KCTD8: variants seen among roughly 807,000 people sequenced by gnomAD.
KCTD8 encodes BTB/POZ domain-containing protein KCTD8.
KCTD8 carries 27 observed loss-of-function variants against 31.5 expected under a neutral mutation model. That is an observed-to-expected ratio of 0.86 (90% CI 0.63 to 1.18). The LOEUF (loss-of-function observed/expected upper bound fraction) is 1.18. Among genes scored for constraint, KCTD8 ranks in the 50% most tolerant of loss-of-function variants. The pLI, the probability that KCTD8 is intolerant of heterozygous loss-of-function variation, is 0.00. For missense variants in KCTD8, 658 were observed against 647.7 expected (o/e 1.02, Z -0.17); for synonymous variants, 290 against 280.0 (o/e 1.04, Z -0.36).
chr4:44,198,748 A>T (rs79887648), intron 1 of KCTD8, among the ~76,000 whole-genome samples: 4,882 of 152,262 alleles, frequency 0.032, 264 homozygotes, highest in African/African-American at 0.11. Context: ...GATTACACAA[A>T]CAAGTCTACA....
chr4:44,349,674 C>T (rs1198332757), intron 1 of KCTD8, among the ~76,000 whole-genome samples: 3 of 152,254 alleles, frequency 2.0e-5, no homozygotes, highest in Non-Finnish European at 2.9e-5. Context: ...TGCACTTACA[C>T]GACTAGATTT....
At chr4:44,280,503 TA>T (rs1486882740) in intron 1 of KCTD8, among the ~76,000 whole-genome samples, 1 of 152,074 alleles carries the variant, frequency 6.6e-6, no homozygotes, top group Non-Finnish European at 1.5e-5. Context: ...ATTTCACTAC[TA>T]AGGCTTGAGA....
chr4:44,395,246 A>C (rs1473385397), intron 1 of KCTD8, among the ~76,000 whole-genome samples: 2 of 152,132 alleles, frequency 1.3e-5, no homozygotes, highest in East Asian at 3.9e-4. Context: ...TGTGATCCTG[A>C]GACAGGAATA....
At chr4:44,407,612 C>A (rs1720833010) in intron 1 of KCTD8, among the ~76,000 whole-genome samples, 1 of 152,010 alleles carries the variant, frequency 6.6e-6, no homozygotes, top group South Asian at 2.1e-4. Context: ...TCTCAAACCC[C>A]CGACCTCAGA....
chr4:44,342,723 T>C (rs55787773), intron 1 of KCTD8, among the ~76,000 whole-genome samples: 35,050 of 152,184 alleles, frequency 0.23, 4,794 homozygotes, highest in Non-Finnish European at 0.31. Context: ...AAATCTGTTG[T>C]TCAGTGTTCC....
intron 1 of KCTD8, among the ~76,000 whole-genome samples, chr4:44,357,980 T>C (rs180930330): frequency 2.6e-5 from 4 of 152,172 alleles, no homozygotes; most frequent in East Asian, 1.9e-4. Context: ...ACACATGCCA[T>C]GGTGGTGTGC....
chr4:44,277,529 A>ATCAT (rs142273657), intron 1 of KCTD8, among the ~76,000 whole-genome samples: 2,471 of 151,766 alleles, frequency 0.016, 68 homozygotes, highest in African/African-American at 0.054. Context: ...CACGGAGTAA[A>ATCAT]TCATTCATTC....
At chr4:44,331,885 G>T (rs1387560658) in intron 1 of KCTD8, among the ~76,000 whole-genome samples, 1 of 150,866 alleles carries the variant, frequency 6.6e-6, no homozygotes, top group Non-Finnish European at 1.5e-5. Flanking sequence ...TACACAGAGA[G>T]AGAGAAAGCA....
chr4:44,397,795 A>T (rs1167611924), intron 1 of KCTD8, among the ~76,000 whole-genome samples: 1 of 152,164 alleles, frequency 6.6e-6, no homozygotes, highest in African/African-American at 2.4e-5. Context: ...TACACTGGCA[A>T]ATGTTCTTAA....
intron 1 of KCTD8, among the ~76,000 whole-genome samples, chr4:44,307,361 A>G (rs1003457303): frequency 5.3e-5 from 8 of 152,006 alleles, no homozygotes; most frequent in African/African-American, 1.4e-4. Flanking sequence ...TAGTTCATCT[A>G]TATCTGTTGC....
At chr4:44,178,376 G>A (rs1290755731) in intron 1 of KCTD8, among the ~76,000 whole-genome samples, 1 of 152,104 alleles carries the variant, frequency 6.6e-6, no homozygotes, top group African/African-American at 2.4e-5. Context: ...AGTGGTGGAG[G>A]AGATGCAGCA....
chr4:44,196,175 C>G (rs1713935804), intron 1 of KCTD8, among the ~76,000 whole-genome samples: 1 of 152,130 alleles, frequency 6.6e-6, no homozygotes, highest in Admixed American at 6.5e-5. Flanking sequence ...CTATCATACT[C>G]TTTCTTACTC....
intron 1 of KCTD8, among the ~76,000 whole-genome samples, chr4:44,324,987 A>G (rs1027857020): frequency 6.6e-6 from 1 of 151,956 alleles, no homozygotes; most frequent in African/African-American, 2.4e-5. Flanking sequence ...ATCGCACACC[A>G]CTGTTTTAAA....
chr4:44,291,277 A>T (rs1158010594), intron 1 of KCTD8, among the ~76,000 whole-genome samples: 1 of 152,066 alleles, frequency 6.6e-6, no homozygotes, highest in Non-Finnish European at 1.5e-5. Context: ...TGAAAACATG[A>T]ACAGACCAAA....
intron 1 of KCTD8, among the ~76,000 whole-genome samples, chr4:44,236,199 C>A (rs777530524): frequency 2.6e-5 from 4 of 152,212 alleles, no homozygotes; most frequent in Non-Finnish European, 5.9e-5. Context: ...CTCACCTCAT[C>A]ATTCTCCCAT....
At chr4:44,388,600 G>A (rs988888033) in intron 1 of KCTD8, among the ~76,000 whole-genome samples, 4 of 151,640 alleles carry the variant, frequency 2.6e-5, no homozygotes, top group Non-Finnish European at 5.9e-5. Flanking sequence ...AAACTACACA[G>A]GAACAGAAAA....
intron 1 of KCTD8, among the ~76,000 whole-genome samples, chr4:44,424,154 G>C (rs1490883154): frequency 2.0e-5 from 3 of 152,002 alleles, no homozygotes; most frequent in East Asian, 1.9e-4. Context: ...AATCAACGGG[G>C]TGACAATGTT....
At chr4:44,179,723 C>T (rs756905532) in intron 1 of KCTD8, among the ~76,000 whole-genome samples, 11 of 151,718 alleles carry the variant, frequency 7.3e-5, no homozygotes, top group Non-Finnish European at 1.2e-4. Context: ...TTAGGGATCA[C>T]TAATAGTCTT....
chr4:44,418,042 C>T (rs537518773), intron 1 of KCTD8, among the ~76,000 whole-genome samples: 3 of 152,104 alleles, frequency 2.0e-5, no homozygotes, highest in African/African-American at 7.2e-5. Context: ...GACAGATATA[C>T]AACTCATTCA....
Sources: gnomAD v4.1 joint callset for allele counts (sites outside exome capture counted in the v4.1 genomes callset) on GRCh38, gnomAD v4.1.1 for gene constraint, MANE v1.5 for transcripts, NCBI Gene and HGNC (gene_info 2026-07-23, HGNC 2026-07-21) for gene names.